The following DCTN4 variants were observed in gnomAD, a reference collection of about 807,000 sequenced individuals.
The protein encoded by DCTN4 is dynactin 4 (p62).
In DCTN4, 23 loss-of-function variants were observed where a neutral mutation model predicts 62.7. That is an observed-to-expected ratio of 0.37 (90% CI 0.26 to 0.52). DCTN4 has a LOEUF of 0.52. Ranked by LOEUF, DCTN4 falls within the 20% of genes least tolerant of loss-of-function variation. DCTN4 has a pLI of 0.92. For missense variants in DCTN4, 514 were observed against 580.4 expected, an observed-to-expected ratio of 0.89 and a Z score of 1.18; for synonymous variants, 199 against 202.1, an observed-to-expected ratio of 0.98 and a Z score of 0.13.
At chr5:150,742,415 C>T (rs1366762534) in intron 3 of DCTN4, among the ~76,000 whole-genome samples, 1 of 152,130 alleles carries the variant, frequency 6.6e-6, no homozygotes, top group Non-Finnish European at 1.5e-5. Flanking sequence ...TCATAACAAC[C>T]CTCTGAGGTA....
At chr5:150,732,127 G>C (rs894645990) in intron 5 of DCTN4, among the ~76,000 whole-genome samples, 3 of 152,160 alleles carry the variant, frequency 2.0e-5, no homozygotes, top group Non-Finnish European at 4.4e-5. Context: ...TAGGTGCTTT[G>C]CAAGTGTTAA....
rs934182341 is a variant in DCTN4, at chr5:150,747,195, T to C, written c.386-5038A>G. Among the ~76,000 whole-genome samples, 24 of 152,106 alleles carry C rather than the reference T, an allele frequency of 1.6e-4. 1 individual carries two copies. Among genetic ancestry groups the C allele is most frequent in the Admixed American group, 9.8e-4 (15 of 15,274 alleles). ...GAGTGAACTCCCATTCACAATTGCT[T>C]CAAAGAGAATAAAATACTTAGGAAT... is the stretch of plus-strand genomic sequence containing the variant. On this transcript the variant is annotated intron_variant, in intron 3 of 12. Transcript: ENST00000447998.
At chr5:150,724,216 T>C (rs1188421131) in intron 8 of DCTN4, among the ~76,000 whole-genome samples, 1 of 152,228 alleles carries the variant, frequency 6.6e-6, no homozygotes, top group African/African-American at 2.4e-5. Context: ...TACATTTCCC[T>C]GATTAGTGTA....
At chr5:150,716,051 C>T (rs553553043) in intron 11 of DCTN4, among the ~76,000 whole-genome samples, 1 of 152,060 alleles carries the variant, frequency 6.6e-6, no homozygotes, top group East Asian at 1.9e-4. Flanking sequence ...ACTACAGGTG[C>T]CCACCACCAT....
chr5:150,720,425 C>A (rs983132151), intron 9 of DCTN4, among the ~76,000 whole-genome samples: 1 of 151,730 alleles, frequency 6.6e-6, no homozygotes, highest in African/African-American at 2.4e-5. Context: ...AATTTAAAGA[C>A]CCCACTTCTA....
chr5:150,754,976 T>C (rs899919420), intron 2 of DCTN4, among the ~76,000 whole-genome samples: 41 of 148,920 alleles, frequency 2.8e-4, no homozygotes, highest in African/African-American at 8.8e-4. Context: ...AAAAAAAAAA[T>C]ACACACAAAA....
At chr5:150,734,524 C>T (rs1760504016) in intron 4 of DCTN4, 1 of 152,250 alleles carries the variant, frequency 6.6e-6, no homozygotes. Context: ...TGACTTTAAT[C>T]TCACAGGGGT....
intron 10 of DCTN4, among the ~76,000 whole-genome samples, chr5:150,719,348 G>A (rs1044704583): frequency 6.6e-6 from 1 of 152,132 alleles, no homozygotes; most frequent in Non-Finnish European, 1.5e-5. Flanking sequence ...GGAAGAGAAG[G>A]GCTGTGGTAT....
At chr5:150,717,523 C>T (rs1288766166) in intron 11 of DCTN4, among the ~76,000 whole-genome samples, 1 of 152,222 alleles carries the variant, frequency 6.6e-6, no homozygotes, top group Non-Finnish European at 1.5e-5. Context: ...GCTAGGATTA[C>T]AGGCGTGAGC....
chr5:150,729,042 C>CCTTTTTTTTTTTTTTTTTTTTTTTTTT (rs762124472), intron 8 of DCTN4, among the ~76,000 whole-genome samples: 2 of 52,140 alleles, frequency 3.8e-5, no homozygotes, highest in African/African-American at 7.6e-5. Flanking sequence ...ACCACACTGG[C>CCTTTTTTTTTTTTTTTTTTTTTTTTTT]TTTTTTTTTT....
intron 3 of DCTN4, among the ~76,000 whole-genome samples, chr5:150,742,418 C>T (rs1158970007): frequency 6.6e-6 from 1 of 152,184 alleles, no homozygotes; most frequent in Non-Finnish European, 1.5e-5. Context: ...TAACAACCCT[C>T]TGAGGTAAGG....
At position 150,730,586 on chromosome 5, in the gene DCTN4, C is replaced by G. The variant is rs180713374; in HGVS notation, c.834+45G>C. ...CAGACACCAGCCACATTTATTTTTG[C>G]TTTCCTCTTGTACAAATGGTCAGTC... On this transcript the variant is annotated intron_variant, in intron 8 of 12. Transcript: ENST00000447998. 3 of 1,551,706 alleles carry G rather than the reference C, an allele frequency of 1.9e-6. No individual in the cohort carries two copies. The African/African-American group carries it at 4.1e-5, about 21-fold the overall frequency.
chr5:150,747,101 C>G (rs1175369759), intron 3 of DCTN4, among the ~76,000 whole-genome samples: 1 of 152,110 alleles, frequency 6.6e-6, no homozygotes, highest in Non-Finnish European at 1.5e-5. Context: ...TCTCGGGATA[C>G]AAAATCAATG....
chr5:150,726,016 C>T (rs765620677), intron 8 of DCTN4, among the ~76,000 whole-genome samples: 1 of 151,930 alleles, frequency 6.6e-6, no homozygotes. Flanking sequence ...AATTCTCCTG[C>T]CTCAGCCTCC....
chr5:150,720,910 T>A (rs1305976549), intron 9 of DCTN4, among the ~76,000 whole-genome samples: 1 of 152,220 alleles, frequency 6.6e-6, no homozygotes, highest in Admixed American at 6.5e-5. Context: ...ATGAGTATAA[T>A]TCTTAAGAAA....
At chr5:150,756,045 T>C (rs1405159690) in intron 2 of DCTN4, among the ~76,000 whole-genome samples, 1 of 150,846 alleles carries the variant, frequency 6.6e-6, no homozygotes, top group African/African-American at 2.4e-5. Context: ...GTGTCTTTTT[T>C]TTTTTTTTTT....
At chr5:150,723,966 C>T (rs532869934) in intron 8 of DCTN4, among the ~76,000 whole-genome samples, 1 of 152,266 alleles carries the variant, frequency 6.6e-6, no homozygotes, top group African/African-American at 2.4e-5. Context: ...GATGGACATT[C>T]AGGATGTTTC....
At chr5:150,758,405 T>G (rs1295769895) in intron 1 of DCTN4, 1 of 990,202 alleles carries the variant, frequency 1.0e-6, no homozygotes, top group Non-Finnish European at 1.2e-6. Context: ...GGCAAGGCAG[T>G]CTGACGAGGG....
intron 3 of DCTN4, among the ~76,000 whole-genome samples, chr5:150,743,371 G>A (rs1042441269): frequency 6.6e-6 from 1 of 152,190 alleles, no homozygotes; most frequent in Non-Finnish European, 1.5e-5. Context: ...CTCGGGGCAG[G>A]GCACAGACAA....
Sources: gnomAD v4.1 joint callset for allele counts (sites outside exome capture counted in the v4.1 genomes callset) on GRCh38, gnomAD v4.1.1 for gene constraint, MANE v1.5 for transcripts, NCBI Gene and HGNC (gene_info 2026-07-23, HGNC 2026-07-21) for gene names.